The following AGAP1 variants were observed in gnomAD, a reference collection of about 807,000 sequenced individuals.
AGAP1 encodes the protein arf-GAP with GTPase, ANK repeat and PH domain-containing protein 1.
In AGAP1, 29 loss-of-function variants were observed where a neutral mutation model predicts 105.3. The observed-to-expected ratio is 0.28, with a 90% CI of 0.21 to 0.38. AGAP1 has a LOEUF of 0.38. Among genes scored for constraint, AGAP1 ranks in the 10% least tolerant of loss-of-function variants. AGAP1 has a pLI of 1.00. For synonymous variants in AGAP1, 509 were observed against 485.9 expected (o/e 1.05, Z -0.63); for missense variants, 998 against 1,165.1 (o/e 0.86, Z 2.09).
chr2:236,015,974 T>C (rs540302594), intron 13 of AGAP1, among the ~76,000 whole-genome samples: 2 of 152,236 alleles, frequency 1.3e-5, no homozygotes, highest in South Asian at 4.1e-4. Flanking sequence ...ATCACCATCC[T>C]CTTTTTTTCT....
At position 235,880,328 on chromosome 2, in the gene AGAP1, G is replaced by A. The variant is rs116291715; in HGVS notation, c.1051-3017G>A. On this transcript the variant is annotated intron_variant, in intron 9 of 17. Coordinates refer to ENST00000304032, the MANE Select transcript of AGAP1 (RefSeq NM_001037131.3). ...TCCGCGTGGAGCCCCGAGGGTGTGC[G>A]CCGTGGCCAGCATTTGTCTGAGTGG... Among the ~76,000 whole-genome samples the A allele has an allele frequency of 2.0e-3, 308 of 152,168 alleles. 1 individual carries two copies. Among genetic ancestry groups the A allele is most frequent in the African/African-American group, 3.6e-3 (148 of 41,536 alleles).
rs1222590970 is a variant in AGAP1 at position 236,119,076 on chromosome 2, C to A, written c.2115-1116C>A. Reference sequence around the variant, plus strand: ...CTCCCCACAGATGTGTAGCAGGGTCCCCATCCTCTGTAGACCCCCCAGGAG... The same window carrying A: ...CTCCCCACAGATGTGTAGCAGGGTCACCATCCTCTGTAGACCCCCCAGGAG... On this transcript the variant is annotated intron_variant, in intron 16 of 17. Transcript: ENST00000304032. The surrounding 1 kb of genome is among the most constrained non-coding windows in gnomAD (Gnocchi z 6.6). 6.6e-6 allele frequency among the ~76,000 whole-genome samples: 1 copy of A among 152,070 alleles called. No homozygotes were observed. The highest frequency in any genetic ancestry group is 1.5e-5 in the Non-Finnish European group (1 of 68,012).
At chr2:235,530,051 G>A (rs1942988743) in intron 1 of AGAP1, among the ~76,000 whole-genome samples, 1 of 152,112 alleles carries the variant, frequency 6.6e-6, no homozygotes, top group Admixed American at 6.5e-5. Context: ...AGAAGAGAAG[G>A]CACAGGACAG....
intron 11 of AGAP1, among the ~76,000 whole-genome samples, chr2:235,923,409 A>G (rs193100705): frequency 9.9e-5 from 15 of 152,232 alleles, no homozygotes; most frequent in Non-Finnish European, 1.9e-4. Flanking sequence ...TACACATAAG[A>G]CGCACAGAAT....
At chr2:235,890,728 G>C (rs80203515) in intron 10 of AGAP1, among the ~76,000 whole-genome samples, 1 of 152,270 alleles carries the variant, frequency 6.6e-6, no homozygotes, top group East Asian at 1.9e-4. Flanking sequence ...TGGCTGGAAG[G>C]TGTCCGTTTT....
chr2:235,684,039 T>G lies in AGAP1; in HGVS notation c.164-25140T>G, dbSNP rs113932564. Among the ~76,000 whole-genome samples, 813 of 141,506 alleles carry G rather than the reference T, an allele frequency of 5.7e-3. 7 individuals are homozygous for G. Among genetic ancestry groups the G allele is most frequent in the African/African-American group, 0.02 (682 of 33,398 alleles). 92.8% of individuals were successfully genotyped at this position (141,506 alleles called of 152,430 possible). A position where few individuals can be genotyped will look rare whatever the true frequency, so the allele number is the denominator to read the frequency against. On this transcript the variant is annotated intron_variant, in intron 1 of 17. Transcript: ENST00000304032. ...TGCAGAGGACATGAACTCATCCTTT[T>G]TTTGTTTGTTTGTTTGTTTTGAGAT...
At chr2:235,585,186 CG>C (rs1945067924) in intron 1 of AGAP1, among the ~76,000 whole-genome samples, 1 of 152,092 alleles carries the variant, frequency 6.6e-6, no homozygotes, top group Admixed American at 6.5e-5. Flanking sequence ...TATTACAGTT[CG>C]GAAGCTCAGA....
chr2:235,672,646 C>T (rs1428254208), intron 1 of AGAP1, among the ~76,000 whole-genome samples: 3 of 152,214 alleles, frequency 2.0e-5, no homozygotes, highest in Non-Finnish European at 4.4e-5. Context: ...GGTCTCAGTT[C>T]TCTAATAGCA....
chr2:236,123,168 G>T lies in AGAP1; in HGVS notation c.2371-751G>T, dbSNP rs780233541. Reference sequence around the variant, plus strand: ...GGCCCACGGCAGCCTCTGCCTCCTAGGCTCAAGCGATCCTCCCACCTCAGC... The same window carrying T: ...GGCCCACGGCAGCCTCTGCCTCCTATGCTCAAGCGATCCTCCCACCTCAGC... On this transcript the variant is annotated intron_variant, in intron 17 of 17. Transcript: ENST00000304032. This position sits in a 1 kb window ranked among gnomAD's most constrained non-coding sequence, Gnocchi z 4.6. 1.3e-5 allele frequency among the ~76,000 whole-genome samples: 2 copies of T among 152,134 alleles called. No individual in the cohort carries two copies. The highest frequency in any genetic ancestry group is 2.4e-5 in the African/African-American group (1 of 41,416).
chr2:235,758,545 ATTTC>A (rs1954130016), intron 6 of AGAP1, among the ~76,000 whole-genome samples: 1 of 152,100 alleles, frequency 6.6e-6, no homozygotes, highest in South Asian at 2.1e-4. Flanking sequence ...TGAAAGTCTT[ATTTC>A]TAAGACTTCC....
chr2:235,543,363 C>G (rs1425826284), intron 1 of AGAP1, among the ~76,000 whole-genome samples: 4 of 152,204 alleles, frequency 2.6e-5, no homozygotes, highest in African/African-American at 9.7e-5. Context: ...CATTCGGTTT[C>G]CACTCCAGGA....
rs1428801999 is a variant in AGAP1 at position 235,721,269 on chromosome 2, A to G, written c.310+3625A>G. On this transcript the variant is annotated intron_variant, in intron 3 of 17. Transcript: ENST00000304032. This position sits in a 1 kb window ranked among gnomAD's most constrained non-coding sequence, Gnocchi z 4.5. ...GTGATCCACCTGCCTGGGCCTCCCA[A>G]AGTGCTGGGATTACAGGCATGAGCC... Among the ~76,000 whole-genome samples, 1 of 152,222 alleles carries G rather than the reference A, an allele frequency of 6.6e-6. No individual in the cohort carries two copies. Among genetic ancestry groups the G allele is most frequent in the African/African-American group, 2.4e-5 (1 of 41,456 alleles).
At chr2:235,530,977 G>A (rs1212954376) in intron 1 of AGAP1, among the ~76,000 whole-genome samples, 2 of 152,204 alleles carry the variant, frequency 1.3e-5, no homozygotes, top group African/African-American at 2.4e-5. Flanking sequence ...TTGAGGGTAG[G>A]GGGACACTGG....
intron 6 of AGAP1, among the ~76,000 whole-genome samples, chr2:235,784,061 C>T (rs948913024): frequency 1.3e-5 from 2 of 151,838 alleles, no homozygotes; most frequent in Non-Finnish European, 2.9e-5. Context: ...AAAATGTAGC[C>T]GGAGTGGAAG....
rs1479909551 is a variant in AGAP1 at position 236,042,765 on chromosome 2, G to A, written c.1891+1924G>A. Among the ~76,000 whole-genome samples the A allele has an allele frequency of 6.6e-6, 1 of 152,154 alleles. No homozygotes were observed. The highest frequency in any genetic ancestry group is 1.5e-5 in the Non-Finnish European group (1 of 68,042). On this transcript the variant is annotated intron_variant, in intron 15 of 17. Coordinates refer to ENST00000304032, the MANE Select transcript of AGAP1 (RefSeq NM_001037131.3). This position sits in a 1 kb window ranked among gnomAD's most constrained non-coding sequence, Gnocchi z 5.6. Reference sequence around the variant, plus strand: ...GGAGGTGTGGGCCAGTTTGTTCTGAGCAAGACCACCTGAGCAGATGGACAG... The same window carrying A: ...GGAGGTGTGGGCCAGTTTGTTCTGAACAAGACCACCTGAGCAGATGGACAG...
chr2:235,852,658 AT>A (rs1277079469), intron 9 of AGAP1: 46 of 1,432,310 alleles, frequency 3.2e-5, no homozygotes, highest in Middle Eastern at 1.8e-4. Context: ...GTTGTGAAGA[AT>A]TTTTTTTATC....
rs375931356 is a variant in AGAP1 at position 235,535,632 on chromosome 2, GGCACCC to G, written c.163+40786_163+40791del. Among the ~76,000 whole-genome samples the G allele has an allele frequency of 1.3e-3, 193 of 152,226 alleles. No individual in the cohort carries two copies. The highest frequency in any genetic ancestry group is 4.5e-3 in the African/African-American group (189 of 41,552). On this transcript the variant is annotated intron_variant, in intron 1 of 17. Coordinates refer to ENST00000304032, the MANE Select transcript of AGAP1 (RefSeq NM_001037131.3). The surrounding 1 kb of genome is among the most constrained non-coding windows in gnomAD (Gnocchi z 5.1). ...CTGGGGGCCGGGCGGGGCTGTGCCAGGCACCCGCGTCGCGCTCCAGCTCCAGCCCTT... is the reference window on the plus strand; with the variant it reads ...CTGGGGGCCGGGCGGGGCTGTGCCAGGCGTCGCGCTCCAGCTCCAGCCCTT...
chr2:235,975,988 G>A (rs915551759), intron 13 of AGAP1, among the ~76,000 whole-genome samples: 4 of 152,094 alleles, frequency 2.6e-5, no homozygotes, highest in African/African-American at 7.2e-5. Context: ...TAGCAAATGT[G>A]GAAAACCAAG....
At chr2:235,512,897 A>G (rs1199314759) in intron 1 of AGAP1, among the ~76,000 whole-genome samples, 1 of 152,218 alleles carries the variant, frequency 6.6e-6, no homozygotes, top group Admixed American at 6.5e-5. Flanking sequence ...GTTATAAAAA[A>G]TACACTGTGC....
Sources: allele counts gnomAD v4.1 joint callset (sites outside exome capture counted in the v4.1 genomes callset), GRCh38; gene constraint gnomAD v4.1.1; non-coding constraint Gnocchi (gnomAD v3.1); transcripts MANE v1.5; gene names NCBI Gene and HGNC (gene_info 2026-07-23, HGNC 2026-07-21).